PICALM: variants seen among roughly 807,000 people sequenced by gnomAD.
PICALM encodes phosphatidylinositol-binding clathrin assembly protein.
A neutral mutation model predicts 80.5 loss-of-function variants in PICALM; 40 were observed. The ratio of observed to expected loss-of-function variants is 0.50; its 90% CI spans 0.39 to 0.65. The LOEUF (loss-of-function observed/expected upper bound fraction) is 0.65. Ranked by LOEUF, PICALM falls within the 30% of genes least tolerant of loss-of-function variation. PICALM has a pLI of 0.00. For missense variants in PICALM, 676 were observed against 778.9 expected (o/e 0.87, Z 1.57); for synonymous variants, 288 against 260.3 (o/e 1.11, Z -1.02).
chr11:86,003,935 A>C (rs1053156520), intron 8 of PICALM, among the ~76,000 whole-genome samples: 4 of 152,210 alleles, frequency 2.6e-5, no homozygotes, highest in African/African-American at 9.6e-5. Context: ...CTAAAGTTAA[A>C]TACATCTGCA....
intron 19 of PICALM, among the ~76,000 whole-genome samples, chr11:85,962,122 G>A (rs1285008554): frequency 1.3e-5 from 2 of 152,150 alleles, no homozygotes; most frequent in African/African-American, 4.8e-5. Flanking sequence ...GGAGGACAGA[G>A]CAGCATGCCT....
chr11:86,013,486 AAC>A (rs377407936), intron 5 of PICALM, among the ~76,000 whole-genome samples: 4 of 151,586 alleles, frequency 2.6e-5, no homozygotes, highest in African/African-American at 9.7e-5. Flanking sequence ...TACAAATAGA[AAC>A]ACACACACAC....
intron 1 of PICALM, among the ~76,000 whole-genome samples, chr11:86,058,086 G>A (rs1410060982): frequency 2.6e-5 from 4 of 152,168 alleles, no homozygotes; most frequent in Non-Finnish European, 5.9e-5. Flanking sequence ...CCAATCCTCT[G>A]CAGTGTGAAT....
chr11:85,967,898 A>G (rs992162899), intron 19 of PICALM, among the ~76,000 whole-genome samples: 1 of 152,080 alleles, frequency 6.6e-6, no homozygotes, highest in Non-Finnish European at 1.5e-5. Context: ...TTCCTTTCAG[A>G]CACTTAACTG....
intron 9 of PICALM, 56 bp downstream of exon 9, chr11:86,003,310 C>A: frequency 1.0e-6 from 1 of 989,194 alleles, no homozygotes; most frequent in Non-Finnish European, 1.6e-6. Flanking sequence ...GAGCTGGTTT[C>A]ATCTACTGCC....
rs2096484097 is a variant in PICALM at position 86,068,782 on chromosome 11, T to C, written c.-2A>G. On this transcript the variant is annotated 5_prime_UTR_variant, in exon 1 of 20. Coordinates refer to ENST00000393346, the MANE Select transcript of PICALM (RefSeq NM_007166.4). ...GTCCGTCAGGCTCTGGCCGGACATC[T>C]CTGCAGCTCCTCCACCACCCCACCC... The C allele has an allele frequency of 1.2e-6, 2 of 1,604,646 alleles. No homozygotes were observed. The highest frequency in any genetic ancestry group is 2.7e-5 in the African/African-American group (2 of 74,850).
At chr11:86,068,036 C>G (rs1271129431) in intron 1 of PICALM, among the ~76,000 whole-genome samples, 1 of 152,108 alleles carries the variant, frequency 6.6e-6, no homozygotes, top group Non-Finnish European at 1.5e-5. Context: ...GTCGAAGAAA[C>G]TACACTGAAG....
At chr11:86,056,132 CTT>C (rs202189666) in intron 1 of PICALM, among the ~76,000 whole-genome samples, 1 of 10,070 alleles carries the variant, frequency 9.9e-5, no homozygotes, top group East Asian at 1.4e-3. Flanking sequence ...AAGACTCTGT[CTT>C]TAAAAAAAAA....
intron 19 of PICALM, among the ~76,000 whole-genome samples, chr11:85,972,723 G>C (rs959766438): frequency 1.3e-5 from 2 of 152,040 alleles, no homozygotes; most frequent in African/African-American, 4.8e-5. Context: ...AATACATTTA[G>C]GTTTCTATCA....
intron 19 of PICALM, among the ~76,000 whole-genome samples, chr11:85,967,144 A>G (rs1592327807): frequency 6.6e-6 from 1 of 152,230 alleles, no homozygotes; most frequent in East Asian, 1.9e-4. Flanking sequence ...CAATTCAGCT[A>G]GAATTTACGG....
At chr11:86,059,366 G>A (rs908705413) in intron 1 of PICALM, among the ~76,000 whole-genome samples, 5 of 152,190 alleles carry the variant, frequency 3.3e-5, no homozygotes, top group Admixed American at 3.3e-4. Context: ...AAGCAAGATA[G>A]CCACTACAGT....
At chr11:86,029,744 A>C (rs1422847549) in intron 2 of PICALM, among the ~76,000 whole-genome samples, 1 of 152,234 alleles carries the variant, frequency 6.6e-6, no homozygotes, top group Non-Finnish European at 1.5e-5. Flanking sequence ...AAGTACATAC[A>C]CGCTTGGAAT....
At chr11:85,994,636 C>T (rs2094899311) in intron 12 of PICALM, among the ~76,000 whole-genome samples, 1 of 152,176 alleles carries the variant, frequency 6.6e-6, no homozygotes, top group Non-Finnish European at 1.5e-5. Context: ...TAAAATGTTA[C>T]ATATTTAAGT....
chr11:85,990,116 G>C, intron 13 of PICALM, 134 bp downstream of exon 13: 1 of 446,734 alleles, frequency 2.2e-6, no homozygotes, highest in South Asian at 6.5e-5. Context: ...CTACATTATG[G>C]CTGGTTAGTT....
chr11:85,990,488 T>C (rs924943244), intron 12 of PICALM, 89 bp from the exon 13 acceptor site: 9 of 672,554 alleles, frequency 1.3e-5, no homozygotes, highest in African/African-American at 5.5e-5. Context: ...AAGTGAAAAG[T>C]AGTAACTATA....
intron 1 of PICALM, among the ~76,000 whole-genome samples, chr11:86,066,759 C>CA (rs766669802): frequency 0.017 from 2,447 of 140,036 alleles, 53 homozygotes; most frequent in African/African-American, 0.047. Flanking sequence ...AAAAAAAAAA[C>CA]AAAAAAAAAC....
chr11:86,037,415 A>T (rs1427007093), intron 1 of PICALM, among the ~76,000 whole-genome samples: 3 of 151,464 alleles, frequency 2.0e-5, no homozygotes, highest in African/African-American at 4.8e-5. Flanking sequence ...ACCTGCTACC[A>T]CGCCCGGCTA....
chr11:85,969,597 CA>C, intron 19 of PICALM: 1 of 343,888 alleles, frequency 2.9e-6, no homozygotes, highest in Non-Finnish European at 5.8e-6. Context: ...ATTCTACGGA[CA>C]AAATTAATCC....
intron 4 of PICALM, 53 bp downstream of exon 4, chr11:86,022,314 T>C: frequency 1.0e-6 from 1 of 994,520 alleles, no homozygotes; most frequent in South Asian, 1.4e-5. Context: ...ACTCCTATGT[T>C]TTACATTTTT....
Sources: gnomAD v4.1 joint callset for allele counts (sites outside exome capture counted in the v4.1 genomes callset) on GRCh38, gnomAD v4.1.1 for gene constraint, MANE v1.5 for transcripts, NCBI Gene and HGNC (gene_info 2026-07-23, HGNC 2026-07-21) for gene names.